GRK3: variants seen among roughly 807,000 people sequenced by gnomAD.
GRK3 encodes the protein G protein-coupled receptor kinase 3.
A neutral mutation model predicts 95.7 loss-of-function variants in GRK3; 54 were observed. That is an observed-to-expected ratio of 0.56 (90% CI 0.45 to 0.71). The LOEUF (loss-of-function observed/expected upper bound fraction) is 0.71. GRK3 is among the 30% of genes least tolerant of loss of function. The pLI, the probability that GRK3 is intolerant of heterozygous loss-of-function variation, is 0.00. For missense variants in GRK3, 649 were observed against 851.2 expected, an observed-to-expected ratio of 0.76 and a Z score of 2.96; for synonymous variants, 281 against 290.8, an observed-to-expected ratio of 0.97 and a Z score of 0.34.
At chr22:25,664,811 G>GCC (rs2146404785) in intron 5 of GRK3, among the ~76,000 whole-genome samples, 1 of 152,310 alleles carries the variant, frequency 6.6e-6, no homozygotes, top group South Asian at 2.1e-4. Flanking sequence ...GAGCCACCAT[G>GCC]CCCGGCCAAC....
intron 9 of GRK3, among the ~76,000 whole-genome samples, chr22:25,679,554 A>G (rs992965308): frequency 2.0e-5 from 3 of 152,092 alleles, no homozygotes; most frequent in Admixed American, 1.3e-4. Flanking sequence ...GCCCATTCCA[A>G]TTTCTTTTTC....
intron 10 of GRK3, among the ~76,000 whole-genome samples, chr22:25,686,256 A>T (rs796767947): frequency 5.9e-5 from 9 of 152,160 alleles, no homozygotes; most frequent in African/African-American, 1.9e-4. Flanking sequence ...CTACCCCGAA[A>T]CAGGAAGGAA....
Position 25,611,632 on chromosome 22 carries a change from C to A in GRK3, c.190+7179C>A, listed in dbSNP as rs149996325. On this transcript the variant is annotated intron_variant, in intron 2 of 20. Transcript: ENST00000324198. The stretch of plus-strand genomic sequence containing the variant: ...TATATCTTCTTTAGTAAAATGTCTA[C>A]TTAAATCTTTTACCCATCCTGAAAT... 9.1e-4 allele frequency among the ~76,000 whole-genome samples: 139 copies of A among 152,224 alleles called. 3 individuals carry two copies. In the South Asian group the frequency reaches 0.011, roughly 12 times the overall value.
chr22:25,646,179 AG>A (rs1312292359), intron 3 of GRK3, among the ~76,000 whole-genome samples: 1 of 152,222 alleles, frequency 6.6e-6, no homozygotes, highest in Non-Finnish European at 1.5e-5. Flanking sequence ...AGGCAATAAA[AG>A]CAGGCCAGCA....
rs1932548756 is a variant in GRK3 at position 25,593,036 on chromosome 22, C to A, written c.114-11341C>A. Among the ~76,000 whole-genome samples, 3 of 152,124 alleles carry A rather than the reference C, an allele frequency of 2.0e-5. No homozygotes were observed. The South Asian group carries it at 6.2e-4, about 32-fold the overall frequency. On this transcript the variant is annotated intron_variant, in intron 1 of 20. Coordinates refer to ENST00000324198, the MANE Select transcript of GRK3 (RefSeq NM_005160.4). ...TATAGTATCCCATGGTGTATATGTA[C>A]CACATTTTCTTTATCCAGTCCACCA... is the stretch of plus-strand genomic sequence containing the variant.
intron 1 of GRK3, among the ~76,000 whole-genome samples, chr22:25,592,677 A>AG (rs1439033324): frequency 6.6e-6 from 1 of 152,146 alleles, no homozygotes; most frequent in East Asian, 1.9e-4. Flanking sequence ...TTTAGATTTA[A>AG]GGGGTACATG....
chr22:25,605,374 C>A lies in GRK3; in HGVS notation c.190+921C>A, dbSNP rs534144788. Reference sequence around the variant, plus strand: ...TTGGCTTTCATTTTGTTAGTTCTTACGGCTTCTCATTACTTTCATGGTGTG... The same window carrying A: ...TTGGCTTTCATTTTGTTAGTTCTTAAGGCTTCTCATTACTTTCATGGTGTG... On this transcript the variant is annotated intron_variant, in intron 2 of 20. Transcript: ENST00000324198. 5.9e-5 allele frequency among the ~76,000 whole-genome samples: 9 copies of A among 152,282 alleles called. No homozygotes were observed. The South Asian group carries it at 1.9e-3, about 32-fold the overall frequency.
intron 15 of GRK3, among the ~76,000 whole-genome samples, chr22:25,707,520 G>A (rs562257648): frequency 1.3e-5 from 2 of 152,310 alleles, no homozygotes; most frequent in South Asian, 4.1e-4. Context: ...AAGCCATGGT[G>A]TAGAATTATC....
chr22:25,682,461 C>T (rs1486437049), intron 9 of GRK3, among the ~76,000 whole-genome samples: 1 of 152,136 alleles, frequency 6.6e-6, no homozygotes, highest in African/African-American at 2.4e-5. Context: ...TTCTCTGAGG[C>T]AGTCATTTTA....
chr22:25,714,338 G>A (rs28763891), intron 17 of GRK3, 70 bp from the exon 18 acceptor site: 38,257 of 1,340,724 alleles, frequency 0.029, 668 homozygotes, highest in Non-Finnish European at 0.033. Context: ...CACCATGGAT[G>A]TGGCGCCGCG....
At chr22:25,692,159 G>T (rs1384240638) in intron 12 of GRK3, among the ~76,000 whole-genome samples, 1 of 151,932 alleles carries the variant, frequency 6.6e-6, no homozygotes, top group South Asian at 2.1e-4. Flanking sequence ...TTAAAGACGG[G>T]GTCTCCCAAT....
intron 13 of GRK3, among the ~76,000 whole-genome samples, chr22:25,700,190 T>C (rs2085247296): frequency 6.6e-6 from 1 of 152,230 alleles, no homozygotes. Context: ...CTCACAGTGA[T>C]TGACTGAGCC....
chr22:25,623,016 A>G (rs2084598106), intron 2 of GRK3, among the ~76,000 whole-genome samples: 2 of 152,156 alleles, frequency 1.3e-5, no homozygotes, highest in Non-Finnish European at 1.5e-5. Flanking sequence ...ATCTTGGCTC[A>G]CTGCAACCTT....
chr22:25,657,335 T>G (rs1348647794), intron 3 of GRK3, among the ~76,000 whole-genome samples: 21 of 152,220 alleles, frequency 1.4e-4, no homozygotes, highest in Admixed American at 1.4e-3. Context: ...CTTCTTTTAT[T>G]TTGTCCATTT....
At chr22:25,570,422 C>A (rs1931654217) in intron 1 of GRK3, among the ~76,000 whole-genome samples, 1 of 152,210 alleles carries the variant, frequency 6.6e-6, no homozygotes, top group South Asian at 2.1e-4. Flanking sequence ...GCTGTCCCCT[C>A]CCTTGAAATT....
At chr22:25,586,050 C>T (rs1255755709) in intron 1 of GRK3, among the ~76,000 whole-genome samples, 2 of 152,236 alleles carry the variant, frequency 1.3e-5, no homozygotes, top group African/African-American at 4.8e-5. Context: ...CTTCCAGACC[C>T]ATAACAGATT....
At position 25,724,682 on chromosome 22, in the gene GRK3, T is replaced by C. The variant is rs949889266; in HGVS notation, c.*2232T>C. The C allele has an allele frequency of 6.6e-6, 1 of 152,194 alleles. No individual in the cohort carries two copies. The highest frequency in any genetic ancestry group is 1.5e-5 in the Non-Finnish European group (1 of 68,038). The allele number at this position is 152,194 out of a possible 1,614,324, so 9.4% of individuals were successfully genotyped here. A position where few individuals can be genotyped will look rare whatever the true frequency, so the allele number is the denominator to read the frequency against. On this transcript the variant is annotated 3_prime_UTR_variant, in exon 21 of 21. Transcript: ENST00000324198. Reference sequence around the variant, plus strand: ...TTGTAAGACTAGATTGAGCTGTTTCTGAGGGCGGTCACCAGTTGTGTTGGG... The same window carrying C: ...TTGTAAGACTAGATTGAGCTGTTTCCGAGGGCGGTCACCAGTTGTGTTGGG...
intron 5 of GRK3, among the ~76,000 whole-genome samples, chr22:25,666,357 CTT>C (rs1050355378): frequency 2.6e-5 from 4 of 152,202 alleles, no homozygotes; most frequent in Admixed American, 6.5e-5. Flanking sequence ...TCTCTTGACT[CTT>C]TTGAACCTCT....
At chr22:25,572,025 A>G (rs1931716530) in intron 1 of GRK3, among the ~76,000 whole-genome samples, 1 of 147,642 alleles carries the variant, frequency 6.8e-6, no homozygotes, top group Non-Finnish European at 1.5e-5. Flanking sequence ...GCCCCATGAT[A>G]GACCCTGGTG....
Sources: allele counts gnomAD v4.1 joint callset (sites outside exome capture counted in the v4.1 genomes callset), GRCh38; gene constraint gnomAD v4.1.1; transcripts MANE v1.5; gene names NCBI Gene and HGNC (gene_info 2026-07-23, HGNC 2026-07-21).